Variants in ESPN observed in about 807,000 individuals in gnomAD.
The protein encoded by ESPN is autosomal recessive deafness type 36 protein.
ESPN carries 68 observed loss-of-function variants against 77.7 expected under a neutral mutation model. That is an observed-to-expected ratio of 0.87 (90% CI 0.72 to 1.07). The LOEUF is 1.07. Ranked by LOEUF, ESPN falls within the 50% of genes least tolerant of loss-of-function variation. The pLI is 0.00. For synonymous variants in ESPN, 449 were observed against 567.1 expected, an observed-to-expected ratio of 0.79 and a Z score of 2.96; for missense variants, 1,060 against 1,239.0, an observed-to-expected ratio of 0.86 and a Z score of 2.17.
Position 6,425,057 on chromosome 1 carries a change from G to A in ESPN, c.102G>A (p.Pro34=). 6.8e-7 allele frequency: 1 copy of A among 1,470,622 alleles called. No homozygotes were observed. The highest frequency in any genetic ancestry group is 8.9e-7 in the Non-Finnish European group (1 of 1,118,172). 91.1% of individuals were successfully genotyped at this position (1,470,622 alleles called of 1,614,324 possible). Residue 34 remains proline, a synonymous_variant, in exon 1 of 13, where the codon CCG becomes CCA. Coordinates refer to ENST00000645284, the MANE Select transcript of ESPN (RefSeq NM_031475.3). The part of the protein sequence containing the change: ...AGLLGPSLRD[P]LDALPVHHAA... ...TCCTGGGGCCCTCGCTGCGCGACCC[G>A]CTGGACGCGCTGCCCGTGCACCACG...
At position 6,444,548 on chromosome 1, in the gene ESPN, G is replaced by A. The variant is rs763236367; in HGVS notation, c.1058G>A (p.Gly353Asp). 1 of 1,614,216 alleles carries A rather than the reference G, an allele frequency of 6.2e-7. No homozygotes were observed. The highest frequency in any genetic ancestry group is 8.5e-7 in the Non-Finnish European group (1 of 1,180,030). ...CTGGAGGCTAAGCAGCCGGATTCAG[G>A]CATGTCCTCACCCAATACCACGGTG... ...AELEAKQPDS[G>D]MSSPNTTVSV... Residue 353 changes from glycine to aspartate, a missense_variant, in exon 6 of 13, where the codon GGC becomes GAC. Transcript: ENST00000645284.
At position 6,447,397 on chromosome 1, in the gene ESPN, G is replaced by A. The variant is rs1303005766; in HGVS notation, c.1465-1244G>A. ...GAACCTCCGGGCTGCAGGGGGCGCGGAGCGGGCGGGCTGGCCCAGAAAACA... is the reference window on the plus strand; with the variant it reads ...GAACCTCCGGGCTGCAGGGGGCGCGAAGCGGGCGGGCTGGCCCAGAAAACA... On this transcript the variant is annotated intron_variant, in intron 7 of 12. Transcript: ENST00000645284. The surrounding 1 kb of genome is among the most constrained non-coding windows in gnomAD (Gnocchi z 5.2). 1 of 152,408 alleles carries A rather than the reference G, an allele frequency of 6.6e-6. No individual in the cohort carries two copies. Among genetic ancestry groups the A allele is most frequent in the East Asian group, 1.9e-4 (1 of 5,196 alleles). The allele number at this position is 152,408 out of a possible 1,614,324, so 9.4% of individuals were successfully genotyped here. A position where few individuals can be genotyped will look rare whatever the true frequency, so the allele number is the denominator to read the frequency against.
intron 2 of ESPN, among the ~76,000 whole-genome samples, chr1:6,430,480 G>A (rs561003159): frequency 6.6e-6 from 1 of 152,302 alleles, no homozygotes; most frequent in Admixed American, 6.5e-5. Flanking sequence ...TGTCCTGCAC[G>A]TCCCCCACAC....
chr1:6,432,446 G>T (rs376140981), intron 2 of ESPN, among the ~76,000 whole-genome samples: 2 of 152,174 alleles, frequency 1.3e-5, no homozygotes, highest in Non-Finnish European at 2.9e-5. Context: ...CCTGACCTAC[G>T]TGGAGGCTCT....
At position 6,425,084 on chromosome 1, in the gene ESPN, G is replaced by A; in HGVS notation, c.129G>A (p.Ala43=). 1.3e-6 allele frequency: 2 copies of A among 1,488,558 alleles called. No individual in the cohort carries two copies. The highest frequency in any genetic ancestry group is 8.9e-7 in the Non-Finnish European group (1 of 1,127,412). 92.2% of individuals were successfully genotyped at this position (1,488,558 alleles called of 1,614,324 possible). A position where few individuals can be genotyped will look rare whatever the true frequency, so the allele number is the denominator to read the frequency against. The part of the protein sequence containing the change: ...DPLDALPVHH[A]ARAGKLHCLR... ...TGGACGCGCTGCCCGTGCACCACGC[G>A]GCCCGCGCTGGGAAGCTGCACTGTC... The change falls in exon 1 of 13, where the codon GCG becomes GCA. Residue 43 remains alanine, a synonymous_variant. Coordinates refer to ENST00000645284, the MANE Select transcript of ESPN (RefSeq NM_031475.3).
rs1164199250 is a variant in ESPN, at chr1:6,437,576, G to A, written c.489-2678G>A. 1 of 152,272 alleles carries A rather than the reference G, an allele frequency of 6.6e-6. No homozygotes were observed. The highest frequency in any genetic ancestry group is 1.5e-5 in the Non-Finnish European group (1 of 68,068). The allele number at this position is 152,272 out of a possible 1,614,324, so 9.4% of individuals were successfully genotyped here. A position where few individuals can be genotyped will look rare whatever the true frequency, so the allele number is the denominator to read the frequency against. ...GGCAGCCACGAGCCAGCATGTTTCT[G>A]AAGATAGATACGTAGCTGTGTCTTC... On this transcript the variant is annotated intron_variant, in intron 2 of 12. Coordinates refer to ENST00000645284, the MANE Select transcript of ESPN (RefSeq NM_031475.3). The surrounding 1 kb of genome is among the most constrained non-coding windows in gnomAD (Gnocchi z 4.5).
chr1:6,425,829 G>C (rs1195833854), intron 1 of ESPN, among the ~76,000 whole-genome samples: 2 of 152,212 alleles, frequency 1.3e-5, no homozygotes, highest in East Asian at 1.9e-4. Flanking sequence ...GACCCCACCT[G>C]GTCACTCTGA....
At chr1:6,441,285 C>T (rs114308448) in intron 5 of ESPN, among the ~76,000 whole-genome samples, 1 of 152,124 alleles carries the variant, frequency 6.6e-6, no homozygotes, top group Admixed American at 6.5e-5. Flanking sequence ...CAGAGTCACC[C>T]CAAGGGGTAA....
At chr1:6,443,337 T>A (rs1171632900) in intron 5 of ESPN, among the ~76,000 whole-genome samples, 2 of 152,326 alleles carry the variant, frequency 1.3e-5, no homozygotes, top group African/African-American at 4.8e-5. Context: ...AGGGGAAGTC[T>A]GAAGCCACTG....
intron 2 of ESPN, among the ~76,000 whole-genome samples, chr1:6,438,857 A>G (rs1431428046): frequency 6.6e-6 from 1 of 152,206 alleles, no homozygotes; most frequent in African/African-American, 2.4e-5. Flanking sequence ...CACACCTGTA[A>G]TCCCAGCACT....
chr1:6,440,538 C>CG (rs1643588610), intron 3 of ESPN, 88 bp from the exon 4 acceptor site: 5 of 209,892 alleles, frequency 2.4e-5, no homozygotes, highest in Non-Finnish European at 3.0e-5. Context: ...GGCGGGGGGG[C>CG]GGGGGCGGGC....
chr1:6,443,548 C>G (rs924360450), intron 5 of ESPN, among the ~76,000 whole-genome samples: 2 of 152,224 alleles, frequency 1.3e-5, no homozygotes, highest in African/African-American at 4.8e-5. Context: ...AGGGCCTGGT[C>G]CCCTGGAATG....
At chr1:6,444,813 A>G (rs1643768507) in intron 6 of ESPN, 131 bp downstream of exon 6, 2 of 1,062,194 alleles carry the variant, frequency 1.9e-6, no homozygotes, top group Non-Finnish European at 2.8e-6. Flanking sequence ...GCTCTTAAAC[A>G]TGGGGAGGCG....
At chr1:6,440,151 C>G in intron 2 of ESPN, 103 bp from the exon 3 acceptor site, 1 of 1,277,334 alleles carries the variant, frequency 7.8e-7, no homozygotes, top group South Asian at 1.3e-5. Flanking sequence ...CCCACCCACT[C>G]TCCCTGCCGT....
chr1:6,440,604 T>TGG, intron 3 of ESPN, 22 bp from the exon 4 acceptor site: 1 of 725,292 alleles, frequency 1.4e-6, no homozygotes. Flanking sequence ...CCCGCCCCCC[T>TGG]CTCCCCGCCC....
chr1:6,443,769 G>A (rs11121874), intron 5 of ESPN, among the ~76,000 whole-genome samples: 5 of 152,250 alleles, frequency 3.3e-5, no homozygotes, highest in African/African-American at 1.2e-4. Context: ...TAGGCAGGGA[G>A]GGGGCATGGG....
Position 6,440,192 on chromosome 1 carries a change from G to A in ESPN, c.489-62G>A. The A allele has an allele frequency of 2.6e-6, 4 of 1,516,682 alleles. No homozygotes were observed. The Admixed American group carries it at 5.9e-5, about 22-fold the overall frequency. The allele number at this position is 1,516,682 out of a possible 1,614,324, so 94.0% of individuals were successfully genotyped here. ...GCTCCCCGGGACGGGATGGGGGCGGGTAAGAAGGCCTCGGAGGGGGTGAGG... is the reference window on the plus strand; with the variant it reads ...GCTCCCCGGGACGGGATGGGGGCGGATAAGAAGGCCTCGGAGGGGGTGAGG... On this transcript the variant is annotated intron_variant, in intron 2 of 12. Transcript: ENST00000645284.
At chr1:6,434,431 G>C (rs1643359834) in intron 2 of ESPN, among the ~76,000 whole-genome samples, 1 of 152,166 alleles carries the variant, frequency 6.6e-6, no homozygotes, top group East Asian at 1.9e-4. Context: ...TATGCCCAGA[G>C]CCTGACTCCA....
chr1:6,436,057 C>G (rs1214631267), intron 2 of ESPN, among the ~76,000 whole-genome samples: 3 of 152,150 alleles, frequency 2.0e-5, no homozygotes, highest in African/African-American at 7.2e-5. Context: ...GGGCTGTGCC[C>G]CAGCAGCTGG....
Sources: gnomAD v4.1 joint callset for allele counts (sites outside exome capture counted in the v4.1 genomes callset) on GRCh38, gnomAD v4.1.1 for gene constraint, Gnocchi (gnomAD v3.1) non-coding constraint, MANE v1.5 for transcripts, NCBI Gene and HGNC (gene_info 2026-07-23, HGNC 2026-07-21) for gene names.